NEDD4L: variants seen among roughly 807,000 people sequenced by gnomAD.
NEDD4L encodes the protein E3 ubiquitin-protein ligase NEDD4-like.
Under a neutral mutation model 148.9 loss-of-function variants are expected in NEDD4L, and 54 were observed. The observed-to-expected ratio is 0.36, with a 90% CI of 0.29 to 0.45. The LOEUF is 0.45. NEDD4L is among the 20% of genes least tolerant of loss of function. The pLI, the probability that NEDD4L is intolerant of heterozygous loss-of-function variation, is 1.00. For missense variants in NEDD4L, 856 were observed against 1,233.8 expected (o/e 0.69, Z 4.59); for synonymous variants, 433 against 440.7 (o/e 0.98, Z 0.22).
chr18:58,203,878 GT>G (rs922795472), intron 2 of NEDD4L, among the ~76,000 whole-genome samples: 5 of 152,074 alleles, frequency 3.3e-5, no homozygotes, highest in Non-Finnish European at 5.9e-5. Context: ...ATTAGAGAAA[GT>G]TTTTCAGTCT....
chr18:58,206,002 G>A (rs531342595), intron 2 of NEDD4L, among the ~76,000 whole-genome samples: 1 of 152,270 alleles, frequency 6.6e-6, no homozygotes, highest in Admixed American at 6.5e-5. Flanking sequence ...CTGTACAATG[G>A]CTTCCTTAAT....
chr18:58,344,741 T>G (rs2042835441), intron 16 of NEDD4L, among the ~76,000 whole-genome samples: 1 of 152,120 alleles, frequency 6.6e-6, no homozygotes, highest in Non-Finnish European at 1.5e-5. Context: ...GTCTTTTTAC[T>G]TATTACCATG....
chr18:58,347,155 CACTGCCTCCCTG>C (rs1336411834), intron 16 of NEDD4L, among the ~76,000 whole-genome samples: 1 of 151,546 alleles, frequency 6.6e-6, no homozygotes, highest in Non-Finnish European at 1.5e-5. Context: ...CTCTGCCCCT[CACTGCCTCCCTG>C]ACACTTTTCT....
chr18:58,121,119 GA>G (rs909408667), intron 1 of NEDD4L, among the ~76,000 whole-genome samples: 2 of 152,052 alleles, frequency 1.3e-5, no homozygotes, highest in African/African-American at 4.8e-5. Context: ...TTGGTGGGGA[GA>G]ACAGAGTGTA....
At chr18:58,380,660 G>C (rs2048223475) in intron 24 of NEDD4L, among the ~76,000 whole-genome samples, 1 of 152,048 alleles carries the variant, frequency 6.6e-6, no homozygotes, top group African/African-American at 2.4e-5. Flanking sequence ...TGCCATCGTG[G>C]TTTGCTGCAC....
At chr18:58,251,553 G>A (rs1168214288) in intron 4 of NEDD4L, among the ~76,000 whole-genome samples, 1 of 151,750 alleles carries the variant, frequency 6.6e-6, no homozygotes, top group Non-Finnish European at 1.5e-5. Context: ...ATGTGTGTGT[G>A]TGTGTCTCTC....
chr18:58,294,847 G>A (rs1048678962), intron 5 of NEDD4L, among the ~76,000 whole-genome samples: 11 of 151,926 alleles, frequency 7.2e-5, no homozygotes, highest in Non-Finnish European at 1.5e-4. Flanking sequence ...TTAACTAATG[G>A]TCTCCATTAT....
intron 1 of NEDD4L, among the ~76,000 whole-genome samples, chr18:58,103,242 T>C (rs1332308762): frequency 7.0e-6 from 1 of 143,446 alleles, no homozygotes; most frequent in African/African-American, 2.7e-5. Flanking sequence ...TACATATACA[T>C]ATTATATATG....
rs534720637 is a variant in NEDD4L, at chr18:58,207,735, A to T, written c.123-37692A>T. 7.9e-5 allele frequency among the ~76,000 whole-genome samples: 12 copies of T among 152,224 alleles called. No individual in the cohort carries two copies. In the East Asian group the frequency reaches 2.3e-3, roughly 29 times the overall value. On this transcript the variant is annotated intron_variant, in intron 2 of 30. Coordinates refer to ENST00000400345, the MANE Select transcript of NEDD4L (RefSeq NM_001144967.3). Reference sequence around the variant, plus strand: ...AGTGTCATCTGACATCTGGCTCTTGACCAGGATCTGAGGTTGCTTAAGCAG... The same window carrying T: ...AGTGTCATCTGACATCTGGCTCTTGTCCAGGATCTGAGGTTGCTTAAGCAG...
chr18:58,362,827 C>G (rs1477014671), intron 19 of NEDD4L, among the ~76,000 whole-genome samples: 1 of 152,208 alleles, frequency 6.6e-6, no homozygotes, highest in Non-Finnish European at 1.5e-5. Flanking sequence ...GTTGGTAGAG[C>G]AGAAAACATG....
intron 5 of NEDD4L, among the ~76,000 whole-genome samples, chr18:58,288,080 T>A (rs537389997): frequency 8.5e-5 from 13 of 152,332 alleles, no homozygotes; most frequent in African/African-American, 3.1e-4. Context: ...ACCCAGTAGT[T>A]CCTACTGAAA....
intron 16 of NEDD4L, among the ~76,000 whole-genome samples, chr18:58,343,544 A>G (rs2042693956): frequency 6.6e-6 from 1 of 152,196 alleles, no homozygotes; most frequent in African/African-American, 2.4e-5. Context: ...TTTACCGTTC[A>G]CATCAGATCA....
intron 1 of NEDD4L, chr18:58,046,693 AG>A (rs2081600817): frequency 6.6e-6 from 1 of 152,212 alleles, no homozygotes; most frequent in Admixed American, 6.5e-5. Context: ...GAATGTAAAC[AG>A]AGTCCGAGTG....
intron 6 of NEDD4L, among the ~76,000 whole-genome samples, chr18:58,321,952 G>A (rs921607366): frequency 1.3e-5 from 2 of 152,178 alleles, no homozygotes; most frequent in African/African-American, 4.8e-5. Context: ...GGTGATCTCT[G>A]TGCAGGAGAT....
At chr18:58,218,473 C>T (rs368848159) in intron 2 of NEDD4L, among the ~76,000 whole-genome samples, 13 of 152,224 alleles carry the variant, frequency 8.5e-5, no homozygotes, top group African/African-American at 2.9e-4. Flanking sequence ...GCATCCTCTC[C>T]TACTGCCAGA....
In NEDD4L at chr18:58,341,183, C is replaced by T; in HGVS notation, c.1257+14C>T. ...CCTATCATGCAGGTACGAAGATTGC[C>T]ATCCAACTTAAAACCGCAGGCCATA... On this transcript the variant is annotated intron_variant, in intron 14 of 30. Transcript: ENST00000400345. The T allele has an allele frequency of 1.2e-6, 2 of 1,611,076 alleles. No homozygotes were observed. Among genetic ancestry groups the T allele is most frequent in the Non-Finnish European group, 1.7e-6 (2 of 1,178,854 alleles).
At chr18:58,179,653 C>T (rs1306060200) in intron 2 of NEDD4L, among the ~76,000 whole-genome samples, 2 of 151,954 alleles carry the variant, frequency 1.3e-5, no homozygotes, top group Non-Finnish European at 2.9e-5. Context: ...GGACCATGAA[C>T]CCTATTGTGG....
intron 6 of NEDD4L, among the ~76,000 whole-genome samples, chr18:58,317,944 G>A (rs183718528): frequency 5.9e-5 from 9 of 152,188 alleles, no homozygotes; most frequent in South Asian, 4.1e-4. Context: ...AAGGAGAGGC[G>A]TGAAGGTATA....
At chr18:58,211,986 A>G (rs2042643464) in intron 2 of NEDD4L, among the ~76,000 whole-genome samples, 2 of 152,222 alleles carry the variant, frequency 1.3e-5, no homozygotes, top group Admixed American at 1.3e-4. Context: ...GGAATCTTCA[A>G]ACACTTAAAT....
Sources: allele counts gnomAD v4.1 joint callset (sites outside exome capture counted in the v4.1 genomes callset), GRCh38; gene constraint gnomAD v4.1.1; transcripts MANE v1.5; gene names NCBI Gene and HGNC (gene_info 2026-07-23, HGNC 2026-07-21).